The following PACSIN2 variants were observed in gnomAD, a reference collection of about 807,000 sequenced individuals.
The protein encoded by PACSIN2 is protein kinase C and casein kinase substrate in neurons protein 2.
In PACSIN2, 25 loss-of-function variants were observed where a neutral mutation model predicts 63.8. The observed-to-expected ratio is 0.39, with a 90% CI of 0.29 to 0.55. The LOEUF (loss-of-function observed/expected upper bound fraction) is 0.55. Ranked by LOEUF, PACSIN2 falls within the 20% of genes least tolerant of loss-of-function variation. The pLI is 0.62. For synonymous variants in PACSIN2, 255 were observed against 256.2 expected (o/e 1.00, Z 0.05); for missense variants, 518 against 646.9 (o/e 0.80, Z 2.16).
At chr22:42,953,751 T>A (rs1268161820) in intron 1 of PACSIN2, among the ~76,000 whole-genome samples, 1 of 152,200 alleles carries the variant, frequency 6.6e-6, no homozygotes, top group African/African-American at 2.4e-5. Context: ...GTTTTGAAAT[T>A]AAGACAATCT....
At chr22:42,874,562 G>C (rs1928438497) in intron 10 of PACSIN2, among the ~76,000 whole-genome samples, 1 of 152,202 alleles carries the variant, frequency 6.6e-6, no homozygotes, top group Admixed American at 6.5e-5. Context: ...CCTGGCCCAG[G>C]GGCATGCCAA....
chr22:42,924,963 T>C (rs1224553776), intron 1 of PACSIN2, among the ~76,000 whole-genome samples: 2 of 151,514 alleles, frequency 1.3e-5, no homozygotes, highest in Non-Finnish European at 2.9e-5. Context: ...TCACCTGTGT[T>C]AGCCAGGATG....
chr22:42,903,386 G>C (rs930783117), intron 2 of PACSIN2, among the ~76,000 whole-genome samples: 1 of 152,158 alleles, frequency 6.6e-6, no homozygotes, highest in African/African-American at 2.4e-5. Context: ...TTCCAAACGG[G>C]GATGACTGTT....
intron 7 of PACSIN2, 91 bp downstream of exon 7, chr22:42,882,093 G>C: frequency 7.0e-7 from 1 of 1,431,312 alleles, no homozygotes; most frequent in Non-Finnish European, 9.8e-7. Context: ...CACTAACATA[G>C]AGTCTAGAAT....
At chr22:42,959,959 T>G (rs1045213691) in intron 1 of PACSIN2, 1 of 152,284 alleles carries the variant, frequency 6.6e-6, no homozygotes, top group Non-Finnish European at 1.5e-5. Flanking sequence ...CATACACTGC[T>G]GCATTCGCTG....
chr22:42,981,401 G>T (rs1360571695), intron 1 of PACSIN2, among the ~76,000 whole-genome samples: 2 of 138,180 alleles, frequency 1.4e-5, no homozygotes, highest in Admixed American at 7.0e-5. Flanking sequence ...CGGGAGGTGA[G>T]GGGCGCCTCT....
intron 7 of PACSIN2, among the ~76,000 whole-genome samples, chr22:42,881,159 C>A (rs1569213198): frequency 2.6e-5 from 4 of 152,196 alleles, no homozygotes; most frequent in Non-Finnish European, 4.4e-5. Context: ...TTGGAAAAAC[C>A]TTCCTGTTAA....
intron 1 of PACSIN2, among the ~76,000 whole-genome samples, chr22:42,932,163 C>T (rs1932791627): frequency 6.6e-6 from 1 of 152,208 alleles, no homozygotes; most frequent in African/African-American, 2.4e-5. Context: ...TCTGTCCCAG[C>T]ACAGGATCTT....
At chr22:42,952,713 A>G (rs966940958) in intron 1 of PACSIN2, among the ~76,000 whole-genome samples, 2 of 149,380 alleles carry the variant, frequency 1.3e-5, no homozygotes, top group Non-Finnish European at 3.0e-5. Context: ...CCCCGGCTGG[A>G]GTGCAGTGGA....
chr22:42,948,388 G>C lies in PACSIN2; in HGVS notation c.-77-36231C>G, dbSNP rs566119241. ...TGCTAGGTAAGCATGGACAAGAAGA[G>C]GTCACACCCATCAGAAGCGCTATCT... On this transcript the variant is annotated intron_variant, in intron 1 of 10. Coordinates refer to ENST00000263246, the MANE Select transcript of PACSIN2 (RefSeq NM_001184970.3). Among the ~76,000 whole-genome samples the C allele has an allele frequency of 1.1e-4, 16 of 152,290 alleles. No individual in the cohort carries two copies. The South Asian group carries it at 3.3e-3, about 32-fold the overall frequency.
chr22:42,899,357 G>A (rs1423073787), intron 2 of PACSIN2, among the ~76,000 whole-genome samples: 2 of 152,122 alleles, frequency 1.3e-5, no homozygotes, highest in Non-Finnish European at 2.9e-5. Context: ...TGCCATCTCG[G>A]CTCACTTGCA....
At chr22:42,925,810 G>A (rs2267475) in intron 1 of PACSIN2, among the ~76,000 whole-genome samples, 27,550 of 152,032 alleles carry the variant, frequency 0.18, 4,253 homozygotes, top group East Asian at 0.73. Flanking sequence ...TACCCTGCCT[G>A]TCTACCACCG....
At chr22:42,958,233 T>C (rs928873936) in intron 1 of PACSIN2, among the ~76,000 whole-genome samples, 3 of 151,860 alleles carry the variant, frequency 2.0e-5, no homozygotes, top group Non-Finnish European at 4.4e-5. Context: ...ACGAGTGACC[T>C]TGGACAAGTC....
intron 1 of PACSIN2, among the ~76,000 whole-genome samples, chr22:42,990,944 G>A (rs1224885276): frequency 3.3e-5 from 5 of 152,130 alleles, no homozygotes; most frequent in Non-Finnish European, 7.4e-5. Context: ...CTGTGCCTCA[G>A]TTTCCTCATC....
At chr22:42,994,434 CG>C (rs1334859729) in intron 1 of PACSIN2, among the ~76,000 whole-genome samples, 1 of 152,186 alleles carries the variant, frequency 6.6e-6, no homozygotes, top group African/African-American at 2.4e-5. Context: ...GACCCTCGGG[CG>C]TGCTTATGGG....
At chr22:42,969,766 C>G (rs1921104800) in intron 1 of PACSIN2, among the ~76,000 whole-genome samples, 1 of 151,868 alleles carries the variant, frequency 6.6e-6, no homozygotes, top group Non-Finnish European at 1.5e-5. Flanking sequence ...TGGAAAGAAC[C>G]CATCTCTACG....
chr22:42,927,533 G>C (rs1326200449), intron 1 of PACSIN2, among the ~76,000 whole-genome samples: 1 of 152,138 alleles, frequency 6.6e-6, no homozygotes, highest in African/African-American at 2.4e-5. Flanking sequence ...ACAGGCGTGA[G>C]CCACCACGCC....
At chr22:42,943,405 G>A (rs1185344400) in intron 1 of PACSIN2, among the ~76,000 whole-genome samples, 1 of 152,092 alleles carries the variant, frequency 6.6e-6, no homozygotes, top group Non-Finnish European at 1.5e-5. Context: ...CGAAGTTCCT[G>A]GTTAGACTCT....
At chr22:42,881,355 C>T (rs1929060293) in intron 7 of PACSIN2, among the ~76,000 whole-genome samples, 1 of 152,150 alleles carries the variant, frequency 6.6e-6, no homozygotes, top group Non-Finnish European at 1.5e-5. Context: ...AAAACTGAGT[C>T]ACAAAAAGGG....
Sources: allele counts gnomAD v4.1 joint callset (sites outside exome capture counted in the v4.1 genomes callset), GRCh38; gene constraint gnomAD v4.1.1; transcripts MANE v1.5; gene names NCBI Gene and HGNC (gene_info 2026-07-23, HGNC 2026-07-21).